OSBPL10: variants seen among roughly 807,000 people sequenced by gnomAD.
OSBPL10 encodes oxysterol binding protein like 10.
OSBPL10 carries 49 observed loss-of-function variants against 81.7 expected under a neutral mutation model. That is an observed-to-expected ratio of 0.60 (90% CI 0.48 to 0.76). The LOEUF (loss-of-function observed/expected upper bound fraction) is 0.76, where lower values mean the gene tolerates loss of function less well. Ranked by LOEUF, OSBPL10 falls within the 30% of genes least tolerant of loss-of-function variation. The probability of loss-of-function intolerance (pLI) is 0.00; values close to 1 mark genes in which losing one functional copy is unlikely to be tolerated. For synonymous variants in OSBPL10, 419 were observed against 383.6 expected (o/e 1.09, Z -1.08); for missense variants, 923 against 987.8 (o/e 0.93, Z 0.88).
intron 9 of OSBPL10, 25 bp from the exon 10 acceptor site, chr3:31,668,849 C>T: frequency 6.6e-7 from 1 of 1,521,288 alleles, no homozygotes. Context: ...CAAATGAGTA[C>T]ACACTTTTCA....
chr3:31,991,151 G>C (rs775563358), intron 2 of OSBPL10: 146 of 726,426 alleles, frequency 2.0e-4, no homozygotes, highest in Non-Finnish European at 3.0e-4. Flanking sequence ...AAGTGTTTAC[G>C]TTAAGAGGAT....
At chr3:31,806,987 A>T (rs1341481980) in intron 4 of OSBPL10, among the ~76,000 whole-genome samples, 1 of 152,190 alleles carries the variant, frequency 6.6e-6, no homozygotes, top group Non-Finnish European at 1.5e-5. Flanking sequence ...CTGGTCATGG[A>T]CAGCCCAGGC....
At chr3:32,068,972 C>T (rs1411428347) in intron 1 of OSBPL10, among the ~76,000 whole-genome samples, 1 of 152,110 alleles carries the variant, frequency 6.6e-6, no homozygotes, top group Non-Finnish European at 1.5e-5. Context: ...TATAACCCTT[C>T]TATTACCTCC....
chr3:32,056,861 G>A (rs1418891001), intron 1 of OSBPL10, among the ~76,000 whole-genome samples: 6 of 152,170 alleles, frequency 3.9e-5, no homozygotes, highest in Non-Finnish European at 8.8e-5. Context: ...TGAGATAAGA[G>A]GTCATAAAGA....
chr3:31,985,427 C>T (rs1698920888), upstream of OSBPL10, among the ~76,000 whole-genome samples: 1 of 152,108 alleles, frequency 6.6e-6, no homozygotes, highest in Admixed American at 6.5e-5. Context: ...ATGATTGGAG[C>T]AATAAGATAA....
intron 6 of OSBPL10, among the ~76,000 whole-genome samples, chr3:31,729,574 C>A (rs998932693): frequency 6.6e-6 from 1 of 152,178 alleles, no homozygotes; most frequent in African/African-American, 2.4e-5. Context: ...GCGCACGCCA[C>A]CACGCCCAGC....
At chr3:31,905,345 A>ATTTTTTTTTTCTTTTTTTTTT (rs1696374240) in intron 1 of OSBPL10, among the ~76,000 whole-genome samples, 2 of 94,860 alleles carry the variant, frequency 2.1e-5, no homozygotes, top group Non-Finnish European at 3.8e-5. Flanking sequence ...GAACCTGGTG[A>ATTTTTTTTTTCTTTTTTTTTT]TTTTTTTTTT....
At chr3:31,865,335 T>C (rs1322749555) in intron 3 of OSBPL10, among the ~76,000 whole-genome samples, 1 of 152,256 alleles carries the variant, frequency 6.6e-6, no homozygotes, top group African/African-American at 2.4e-5. Flanking sequence ...ACTGAAGAAC[T>C]GATTTTTAAA....
chr3:31,897,880 C>T (rs77332381), intron 1 of OSBPL10, among the ~76,000 whole-genome samples: 1 of 151,474 alleles, frequency 6.6e-6, no homozygotes, highest in Non-Finnish European at 1.5e-5. Context: ...TGGTGGCAGG[C>T]GCCTGTAGTC....
intron 5 of OSBPL10, among the ~76,000 whole-genome samples, chr3:31,738,009 A>C (rs1183034193): frequency 7.4e-6 from 1 of 135,796 alleles, no homozygotes; most frequent in Non-Finnish European, 1.6e-5. Flanking sequence ...CAAAAAAAAA[A>C]AAAAGAAAGA....
intron 2 of OSBPL10, among the ~76,000 whole-genome samples, chr3:31,996,244 A>AT (rs1699089411): frequency 6.6e-6 from 1 of 152,238 alleles, no homozygotes; most frequent in South Asian, 2.1e-4. Context: ...ATACAATTCA[A>AT]TGTTCCTGTA....
At chr3:31,872,712 C>G (rs1030884094) in intron 3 of OSBPL10, among the ~76,000 whole-genome samples, 3 of 149,762 alleles carry the variant, frequency 2.0e-5, no homozygotes, top group African/African-American at 7.5e-5. Context: ...ACCTCTGTCT[C>G]CTGGGCTCAA....
chr3:31,815,948 C>T (rs929427177), intron 4 of OSBPL10, among the ~76,000 whole-genome samples: 1 of 152,190 alleles, frequency 6.6e-6, no homozygotes, highest in Admixed American at 6.5e-5. Context: ...TTTCATGTCA[C>T]TGAACTGTGA....
intron 2 of OSBPL10, among the ~76,000 whole-genome samples, chr3:32,011,306 C>T (rs778651481): frequency 6.6e-6 from 1 of 152,230 alleles, no homozygotes; most frequent in African/African-American, 2.4e-5. Flanking sequence ...TCTTCAGCCT[C>T]CGCTGCTGAT....
chr3:31,848,756 A>G (rs921810477), intron 3 of OSBPL10, among the ~76,000 whole-genome samples: 3 of 152,354 alleles, frequency 2.0e-5, no homozygotes, highest in African/African-American at 7.2e-5. Context: ...AGCATGGCCA[A>G]TGGTCTAAAA....
chr3:31,828,658 A>C (rs1234858239), intron 4 of OSBPL10, among the ~76,000 whole-genome samples: 2 of 152,120 alleles, frequency 1.3e-5, no homozygotes, highest in African/African-American at 4.8e-5. Context: ...TTAGCCTCCT[A>C]AGTAGCTGGG....
intron 4 of OSBPL10, among the ~76,000 whole-genome samples, chr3:31,815,277 A>G (rs1431789160): frequency 6.6e-6 from 1 of 152,108 alleles, no homozygotes; most frequent in Non-Finnish European, 1.5e-5. Flanking sequence ...CCAGGAGCAG[A>G]GACAAGTGGT....
intron 1 of OSBPL10, among the ~76,000 whole-genome samples, chr3:32,057,397 A>T (rs1416597659): frequency 2.6e-5 from 4 of 152,152 alleles, no homozygotes; most frequent in African/African-American, 9.7e-5. Context: ...TACTTGTATT[A>T]GTCCATTTTC....
chr3:31,839,504 A>C (rs572064914), intron 3 of OSBPL10, among the ~76,000 whole-genome samples: 1 of 151,824 alleles, frequency 6.6e-6, no homozygotes, highest in East Asian at 1.9e-4. Flanking sequence ...AATATGAAGC[A>C]GGGATAGAAA....
Sources: gnomAD v4.1 joint callset for allele counts (sites outside exome capture counted in the v4.1 genomes callset) on GRCh38, gnomAD v4.1.1 for gene constraint, MANE v1.5 for transcripts, NCBI Gene and HGNC (gene_info 2026-07-23, HGNC 2026-07-21) for gene names.